ZNF443: variants seen among roughly 807,000 people sequenced by gnomAD.
ZNF443 encodes the protein Kruppel-type zinc finger (C2H2).
Under a neutral mutation model 12.0 loss-of-function variants are expected in ZNF443, and 3 were observed. That is an observed-to-expected ratio of 0.25 (90% CI 0.11 to 0.64). The LOEUF (loss-of-function observed/expected upper bound fraction) is 0.64, where lower values mean the gene tolerates loss of function less well. Among genes scored for constraint, ZNF443 ranks in the 30% least tolerant of loss-of-function variants. The pLI is 0.84. For synonymous variants in ZNF443, 225 were observed against 265.9 expected (o/e 0.85, Z 1.50); for missense variants, 770 against 808.8 (o/e 0.95, Z 0.58).
Position 12,439,966 on chromosome 19 carries a change from A to T in ZNF443, c.3+946T>A, listed in dbSNP as rs7259093. ...AAGAGATTTGCTGCCAGCCCTAGGA[A>T]GAGTCAGGATGAGAGAACACAGTGG... On this transcript the variant is annotated intron_variant, in intron 1 of 3. Coordinates refer to ENST00000301547, the MANE Select transcript of ZNF443 (RefSeq NM_005815.5). 1.7e-3 allele frequency among the ~76,000 whole-genome samples: 264 copies of T among 150,970 alleles called. 2 individuals are homozygous for T. The highest frequency in any genetic ancestry group is 5.8e-3 in the African/African-American group (237 of 40,832).
intron 1 of ZNF443, among the ~76,000 whole-genome samples, chr19:12,434,349 T>C (rs28564989): frequency 0.33 from 49,921 of 151,962 alleles, 8,597 homozygotes; most frequent in South Asian, 0.47. Context: ...TAGTTTCCTT[T>C]AGATCAAATG....
At chr19:12,440,103 C>T (rs552692002) in intron 1 of ZNF443, among the ~76,000 whole-genome samples, 1 of 152,236 alleles carries the variant, frequency 6.6e-6, no homozygotes, top group Admixed American at 6.5e-5. Flanking sequence ...CTCCCACACA[C>T]AAACCCCACA....
At chr19:12,434,295 TC>T (rs1970287040) in intron 1 of ZNF443, among the ~76,000 whole-genome samples, 1 of 152,226 alleles carries the variant, frequency 6.6e-6, no homozygotes, top group Non-Finnish European at 1.5e-5. Flanking sequence ...ATTTAGCCCA[TC>T]CTATGTGATT....
rs1345453758 is a variant in ZNF443, at chr19:12,431,936, T to C, written c.236A>G (p.Gln79Arg). 4 of 1,602,586 alleles carry C rather than the reference T, an allele frequency of 2.5e-6. No homozygotes were observed. The Admixed American group carries it at 7.0e-5, about 28-fold the overall frequency. The part of the protein sequence containing the change: ...ERFVESKDGT[Q>R]CGETSSQIQD... The stretch of plus-strand genomic sequence containing the variant: ...AATCTGGCTAGATGTTTCTCCACAT[T>C]GAGTTCCATCTTTACTTTCAACAAA... The change falls in exon 4 of 4, where the codon CAA (glutamine) becomes CGA (arginine). Residue 79 changes from glutamine (Q) to arginine (R), a missense_variant. Gln to Arg is a conservative substitution (Grantham distance 43, BLOSUM62 1). This residue lies in a region of ZNF443 where 736 missense variants were observed against 689.4 expected (regional missense o/e 1.07). Coordinates refer to ENST00000301547, the MANE Select transcript of ZNF443 (RefSeq NM_005815.5).
At chr19:12,433,360 C>T (rs928498532) in intron 1 of ZNF443, among the ~76,000 whole-genome samples, 163 bp from the exon 2 acceptor site, 1 of 152,302 alleles carries the variant, frequency 6.6e-6, no homozygotes, top group Admixed American at 6.5e-5. Context: ...TTCTCCTACA[C>T]AGTAACTCTG....
At chr19:12,434,353 T>A in intron 1 of ZNF443, among the ~76,000 whole-genome samples, 1 of 152,142 alleles carries the variant, frequency 6.6e-6, no homozygotes, top group East Asian at 1.9e-4. Context: ...TTCCTTTAGA[T>A]CAAATGTAGT....
chr19:12,435,277 AG>A (rs1212891615), intron 1 of ZNF443, among the ~76,000 whole-genome samples: 1 of 152,134 alleles, frequency 6.6e-6, no homozygotes. Context: ...TGCCCAGCCA[AG>A]GCCCTCTCTT....
chr19:12,435,407 A>G (rs1438224098), intron 1 of ZNF443, among the ~76,000 whole-genome samples: 1 of 152,232 alleles, frequency 6.6e-6, no homozygotes, highest in Admixed American at 6.5e-5. Context: ...ATTAAGACAT[A>G]CAGTAGACCA....
intron 1 of ZNF443, among the ~76,000 whole-genome samples, chr19:12,433,605 T>C (rs995673931): frequency 3.3e-5 from 5 of 152,324 alleles, no homozygotes; most frequent in Admixed American, 3.3e-4. Context: ...GGGCTTTTCA[T>C]GGTGTCTAGA....
Position 12,431,747 on chromosome 19 carries a change from G to T in ZNF443, c.425C>A (p.Thr142Lys), listed in dbSNP as rs141215783. Residue 142 changes from threonine to lysine, a missense_variant, in exon 4 of 4, where the codon ACG (threonine) becomes AAG (lysine). Around this residue, in one of 3 missense-constraint regions of ZNF443, gnomAD observed 736 missense variants for 689.4 expected, o/e 1.07. Transcript: ENST00000301547. ...EYHECGEKPD[T>K]HKQRGKAFSY... ...GAAGGCTTTCCCACGTTGTTTATGC[G>T]TATCTGGCTTCTCTCCACATTCATG... 6.2e-7 allele frequency: 1 copy of T among 1,614,076 alleles called. No individual in the cohort carries two copies. Among genetic ancestry groups the T allele is most frequent in the Non-Finnish European group, 8.5e-7 (1 of 1,179,996 alleles).
Position 12,430,197 on chromosome 19 carries a change from C to G in ZNF443, c.1975G>C (p.Ala659Pro). Residue 659 changes from alanine (A) to proline (P), a missense_variant, in exon 4 of 4, where the codon GCT (alanine) becomes CCT (proline). This residue lies in a region of ZNF443 where 30 missense variants were observed against 60.4 expected (regional missense o/e 0.50). Transcript: ENST00000301547. ...YECKECGKAF[A>P]SLSSLHRHKK... ...TGTCTATGCAAGGAACTGAGAGAAG[C>G]AAATGCTTTCCCACATTCCTTACAT... 2 of 1,613,950 alleles carry G rather than the reference C, an allele frequency of 1.2e-6. No homozygotes were observed. Among genetic ancestry groups the G allele is most frequent in the Non-Finnish European group, 1.7e-6 (2 of 1,179,898 alleles).
At position 12,430,827 on chromosome 19, in the gene ZNF443, A is replaced by G. The variant is rs1232828493; in HGVS notation, c.1345T>C (p.Tyr449His). The stretch of plus-strand genomic sequence containing the variant: ...GCTTTGCCACATTGTTTACATTTAT[A>G]GGGTTTCTCTGCAGTGTGAGTCCTT... ...HERTHTAEKP[Y>H]KCKQCGKAYR... Residue 449 changes from tyrosine to histidine, a missense_variant, in exon 4 of 4, where the codon TAT (tyrosine) becomes CAT (histidine). By Grantham distance (83) the Tyr-to-His change is moderately conservative. This residue lies in a region of ZNF443 where 736 missense variants were observed against 689.4 expected (regional missense o/e 1.07). Transcript: ENST00000301547. 19 of 1,614,148 alleles carry G rather than the reference A, an allele frequency of 1.2e-5. No individual in the cohort carries two copies. The highest frequency in any genetic ancestry group is 1.6e-5 in the Non-Finnish European group (19 of 1,179,984).
chr19:12,440,190 G>T (rs944605060), intron 1 of ZNF443, among the ~76,000 whole-genome samples: 2 of 148,466 alleles, frequency 1.3e-5, no homozygotes, highest in African/African-American at 5.0e-5. Context: ...CTGCGAGCCA[G>T]GCTGGAGGCG....
chr19:12,436,536 A>G (rs867697174), intron 1 of ZNF443, among the ~76,000 whole-genome samples: 12 of 152,162 alleles, frequency 7.9e-5, no homozygotes, highest in Admixed American at 7.9e-4. Context: ...GCAAGGTACA[A>G]CTAAAATGAA....
At position 12,430,825 on chromosome 19, in the gene ZNF443, A is replaced by G. The variant is rs769700449; in HGVS notation, c.1347T>C (p.Tyr449=). The G allele has an allele frequency of 6.2e-7, 1 of 1,614,120 alleles. No homozygotes were observed. The highest frequency in any genetic ancestry group is 8.5e-7 in the Non-Finnish European group (1 of 1,179,972). Residue 449 remains tyrosine, a synonymous_variant, in exon 4 of 4, where the codon TAT becomes TAC. Transcript: ENST00000301547. ...HERTHTAEKP[Y]KCKQCGKAYR... The stretch of plus-strand genomic sequence containing the variant: ...AGGCTTTGCCACATTGTTTACATTT[A>G]TAGGGTTTCTCTGCAGTGTGAGTCC...
chr19:12,433,937 T>A (rs1259206686), intron 1 of ZNF443, among the ~76,000 whole-genome samples: 1 of 151,814 alleles, frequency 6.6e-6, no homozygotes, highest in Non-Finnish European at 1.5e-5. Flanking sequence ...AATGGGTGAA[T>A]GAATAAATGA....
chr19:12,438,903 G>C (rs1022719752), intron 1 of ZNF443, among the ~76,000 whole-genome samples: 3 of 152,102 alleles, frequency 2.0e-5, no homozygotes, highest in Admixed American at 1.3e-4. Context: ...TCTAATCATA[G>C]GATGTATTTC....
Position 12,430,756 on chromosome 19 carries a change from A to G in ZNF443, c.1416T>C (p.Thr472=), listed in dbSNP as rs1970242369. ...GTTTGCATTTATAGGGTTTCTCTCC[A>G]GTATGAGTTGTTTCATGCCTTCGAA... ...SSLRRHETTH[T]GEKPYKCKLG... is the part of the protein sequence containing the mutation. The change falls in exon 4 of 4, where the codon ACT becomes ACC. Residue 472 remains threonine, a synonymous_variant. Transcript: ENST00000301547. The G allele has an allele frequency of 6.2e-7, 1 of 1,613,198 alleles. No homozygotes were observed. The highest frequency in any genetic ancestry group is 8.5e-7 in the Non-Finnish European group (1 of 1,179,374).
Position 12,430,971 on chromosome 19 carries a change from C to A in ZNF443, c.1201G>T (p.Ala401Ser). The change falls in exon 4 of 4, where the codon GCA becomes TCA. Residue 401 changes from alanine to serine, a missense_variant. Physicochemically the swap from Ala to Ser is moderately conservative, Grantham distance 99 (BLOSUM62 1). This residue lies in a region of ZNF443 where 736 missense variants were observed against 689.4 expected (regional missense o/e 1.07). Coordinates refer to ENST00000301547, the MANE Select transcript of ZNF443 (RefSeq NM_005815.5). ...KPYECKQCGK[A>S]LSHRSSFRSH... ...CGAAAGCTTGAGCGATGAGATAATG[C>A]TTTCCCACACTGCTTGCATTCATAG... 1 of 1,613,788 alleles carries A rather than the reference C, an allele frequency of 6.2e-7. No individual in the cohort carries two copies. Among genetic ancestry groups the A allele is most frequent in the Non-Finnish European group, 8.5e-7 (1 of 1,179,796 alleles).
Sources: allele counts gnomAD v4.1 joint callset (sites outside exome capture counted in the v4.1 genomes callset), GRCh38; gene constraint gnomAD v4.1.1; regional missense constraint gnomAD v4.1.1; transcripts MANE v1.5; gene names NCBI Gene and HGNC (gene_info 2026-07-23, HGNC 2026-07-21).